CDH13: variants seen among roughly 807,000 people sequenced by gnomAD.
CDH13 encodes cadherin 13.
In CDH13, 24 loss-of-function variants were observed where a neutral mutation model predicts 63.8. That is an observed-to-expected ratio of 0.38 (90% CI 0.27 to 0.53). CDH13 has a LOEUF of 0.53. Among genes scored for constraint, CDH13 ranks in the 20% least tolerant of loss-of-function variants. CDH13 has a pLI of 0.85. For missense variants in CDH13, 1,049 were observed against 903.1 expected (o/e 1.16, Z -2.07); for synonymous variants, 503 against 355.3 (o/e 1.42, Z -4.67).
At chr16:83,041,159 G>C (rs1917299580) in intron 3 of CDH13, among the ~76,000 whole-genome samples, 1 of 152,056 alleles carries the variant, frequency 6.6e-6, no homozygotes, top group African/African-American at 2.4e-5. Context: ...CCTCAATAAA[G>C]GGAAACTGGT....
intron 5 of CDH13, among the ~76,000 whole-genome samples, chr16:83,309,870 C>A (rs1162720714): frequency 6.6e-6 from 1 of 151,676 alleles, no homozygotes; most frequent in Non-Finnish European, 1.5e-5. Context: ...CAAATGGCTG[C>A]TTTATTTGTG....
intron 2 of CDH13, among the ~76,000 whole-genome samples, chr16:82,980,339 T>C (rs1043384416): frequency 6.6e-6 from 1 of 152,158 alleles, no homozygotes; most frequent in Non-Finnish European, 1.5e-5. Context: ...GTGCTTTGGC[T>C]GGGTCCGTAA....
intron 5 of CDH13, among the ~76,000 whole-genome samples, chr16:83,260,984 TTA>T (rs1247534329): frequency 1.3e-5 from 2 of 151,658 alleles, no homozygotes; most frequent in Non-Finnish European, 2.9e-5. Context: ...GGAGATCTTT[TTA>T]TGTGAGGCCA....
At position 83,064,029 on chromosome 16, in the gene CDH13, G is replaced by A. The variant is rs893036963; in HGVS notation, c.366+31811G>A. Among the ~76,000 whole-genome samples, 12 of 152,256 alleles carry A rather than the reference G, an allele frequency of 7.9e-5. No individual in the cohort carries two copies. In the South Asian group the frequency reaches 2.3e-3, roughly 29 times the overall value. On this transcript the variant is annotated intron_variant, in intron 3 of 13. Coordinates refer to ENST00000567109, the MANE Select transcript of CDH13 (RefSeq NM_001257.5). ...CAGAAAAAGTCAGATGAGTGTATGA[G>A]TCTCACATTTCAGAGCTAAAAATAT...
chr16:82,951,049 A>T (rs2151323175), intron 2 of CDH13, among the ~76,000 whole-genome samples: 1 of 152,284 alleles, frequency 6.6e-6, no homozygotes, highest in African/African-American at 2.4e-5. Flanking sequence ...TTATTGGTCC[A>T]GTTGAGCCCA....
At chr16:82,645,286 A>G (rs1909957569) in intron 1 of CDH13, among the ~76,000 whole-genome samples, 1 of 152,128 alleles carries the variant, frequency 6.6e-6, no homozygotes, top group African/African-American at 2.4e-5. Context: ...GTGTTTCCAG[A>G]TTCCACTGGG....
intron 5 of CDH13, among the ~76,000 whole-genome samples, chr16:83,225,182 C>G (rs1170505276): frequency 1.3e-5 from 2 of 152,162 alleles, no homozygotes; most frequent in African/African-American, 4.8e-5. Flanking sequence ...GAACACAGGT[C>G]TAAATAATCA....
chr16:83,018,762 C>T (rs1433518683), intron 2 of CDH13, among the ~76,000 whole-genome samples: 3 of 152,204 alleles, frequency 2.0e-5, no homozygotes, highest in Non-Finnish European at 4.4e-5. Flanking sequence ...TATGGCTCCT[C>T]GGCTACTAAC....
At chr16:83,548,460 G>A (rs12448273) in intron 7 of CDH13, among the ~76,000 whole-genome samples, 41,799 of 152,102 alleles carry the variant, frequency 0.27, 5,826 homozygotes, top group Middle Eastern at 0.34. Context: ...CCCAGTGTCC[G>A]TAGCGCAGTG....
intron 2 of CDH13, among the ~76,000 whole-genome samples, chr16:82,879,449 G>A (rs1301146294): frequency 7.0e-6 from 1 of 143,812 alleles, no homozygotes; most frequent in Non-Finnish European, 1.5e-5. Flanking sequence ...TCCTATATAT[G>A]TAGAAAAATA....
chr16:82,768,660 CT>C (rs1366524378), intron 1 of CDH13, among the ~76,000 whole-genome samples: 1 of 152,178 alleles, frequency 6.6e-6, no homozygotes, highest in Non-Finnish European at 1.5e-5. Flanking sequence ...GAGAGCTGGG[CT>C]TCAGGATCAT....
chr16:83,150,214 C>G (rs1051057769), intron 4 of CDH13, among the ~76,000 whole-genome samples: 1 of 152,334 alleles, frequency 6.6e-6, no homozygotes, highest in Middle Eastern at 3.4e-3. Flanking sequence ...AATCCAATCT[C>G]CATCCACCAA....
At position 83,184,616 on chromosome 16, in the gene CDH13, A is replaced by C. The variant is rs377012275; in HGVS notation, c.484-32729A>C. Among the ~76,000 whole-genome samples, 10 of 152,236 alleles carry C rather than the reference A, an allele frequency of 6.6e-5. No individual in the cohort carries two copies. In the East Asian group the frequency reaches 1.9e-3, roughly 29 times the overall value. ...CTAAAAATACAAAAATTACCTGGGCATGGTGGTGCACGCCTGTAGTCCCAG... is the reference window on the plus strand; with the variant it reads ...CTAAAAATACAAAAATTACCTGGGCCTGGTGGTGCACGCCTGTAGTCCCAG... On this transcript the variant is annotated intron_variant, in intron 4 of 13. Coordinates refer to ENST00000567109, the MANE Select transcript of CDH13 (RefSeq NM_001257.5).
intron 3 of CDH13, among the ~76,000 whole-genome samples, chr16:83,094,509 C>T (rs12929239): frequency 0.32 from 48,165 of 151,966 alleles, 8,755 homozygotes; most frequent in Middle Eastern, 0.54. Flanking sequence ...AGGTCTTATG[C>T]CTCCACATTG....
intron 5 of CDH13, among the ~76,000 whole-genome samples, chr16:83,234,261 G>C (rs113185915): frequency 1.3e-5 from 2 of 152,138 alleles, no homozygotes; most frequent in African/African-American, 2.4e-5. Context: ...GGTGCTTTGC[G>C]GGGATGATTT....
intron 2 of CDH13, among the ~76,000 whole-genome samples, chr16:83,010,778 C>T (rs745956330): frequency 6.6e-6 from 1 of 152,154 alleles, no homozygotes; most frequent in South Asian, 2.1e-4. Flanking sequence ...TTAGAAACAT[C>T]CTGCGGGGAC....
intron 2 of CDH13, among the ~76,000 whole-genome samples, chr16:82,904,239 C>G (rs925578560): frequency 2.6e-5 from 4 of 152,136 alleles, no homozygotes; most frequent in Non-Finnish European, 4.4e-5. Flanking sequence ...TCAATCATGA[C>G]TTGATCTAAC....
intron 1 of CDH13, among the ~76,000 whole-genome samples, chr16:82,704,817 T>G (rs143623998): frequency 2.0e-5 from 3 of 152,328 alleles, no homozygotes; most frequent in African/African-American, 7.2e-5. Flanking sequence ...AGAATAATAT[T>G]TACATCGTGG....
intron 6 of CDH13, among the ~76,000 whole-genome samples, chr16:83,405,579 C>T (rs1356114107): frequency 6.6e-6 from 1 of 152,214 alleles, no homozygotes; most frequent in Non-Finnish European, 1.5e-5. Context: ...TCATTTTAGA[C>T]TCCCGACCTC....
Sources: allele counts gnomAD v4.1 joint callset (sites outside exome capture counted in the v4.1 genomes callset), GRCh38; gene constraint gnomAD v4.1.1; transcripts MANE v1.5; gene names NCBI Gene and HGNC (gene_info 2026-07-23, HGNC 2026-07-21).